The following ANKRD26 variants were observed in gnomAD, a reference collection of about 807,000 sequenced individuals.
The protein encoded by ANKRD26 is ankyrin repeat domain-containing protein 26.
Under a neutral mutation model 208.7 loss-of-function variants are expected in ANKRD26, and 141 were observed. The observed-to-expected ratio is 0.68, with a 90% CI of 0.59 to 0.78. ANKRD26 has a LOEUF of 0.78. Among genes scored for constraint, ANKRD26 ranks in the 30% least tolerant of loss-of-function variants. The probability of loss-of-function intolerance (pLI) is 0.00; values close to 1 mark genes in which losing one functional copy is unlikely to be tolerated. For synonymous variants in ANKRD26, 636 were observed against 660.4 expected (o/e 0.96, Z 0.57); for missense variants, 1,889 against 1,938.7 (o/e 0.97, Z 0.48).
chr10:27,052,225 TC>T, intron 16 of ANKRD26: 1 of 959,494 alleles, frequency 1.0e-6, no homozygotes, highest in Non-Finnish European at 1.2e-6. Flanking sequence ...GTTTAGTTAC[TC>T]CCAAATCACT....
rs191487223 is a variant in ANKRD26 at position 27,041,379 on chromosome 10, C to A, written c.2162-1201G>T. The stretch of plus-strand genomic sequence containing the variant: ...TTAAAAAAAGGAGAGGAAATCCTGC[C>A]TGGTGCTTCCACAGCACCAGGAAGA... On this transcript the variant is annotated intron_variant, in intron 20 of 33. Coordinates refer to ENST00000376087, the MANE Select transcript of ANKRD26 (RefSeq NM_014915.3). Among the ~76,000 whole-genome samples the A allele has an allele frequency of 3.1e-3, 471 of 152,206 alleles. 3 individuals carry two copies. The highest frequency in any genetic ancestry group is 0.011 in the African/African-American group (443 of 41,528).
intron 6 of ANKRD26, among the ~76,000 whole-genome samples, chr10:27,082,021 C>T (rs2055931299): frequency 6.9e-6 from 1 of 143,898 alleles, no homozygotes; most frequent in Non-Finnish European, 1.5e-5. Context: ...CAGTTGTGAG[C>T]CACCACGCCC....
At chr10:26,992,147 A>T (rs1278886030) in intron 5 of ANKRD26, 1 of 152,116 alleles carries the variant, frequency 6.6e-6, no homozygotes, top group Non-Finnish European at 1.5e-5. Flanking sequence ...CTTTGCAGCC[A>T]TCTTATTTAG....
intron 32 of ANKRD26, among the ~76,000 whole-genome samples, chr10:27,012,119 T>G (rs987216306): frequency 6.6e-6 from 1 of 152,222 alleles, no homozygotes; most frequent in African/African-American, 2.4e-5. Flanking sequence ...GTTAAGTGTT[T>G]GGATGCCAAT....
intron 25 of ANKRD26, chr10:27,030,383 C>T (rs775591712): frequency 1.0e-6 from 1 of 985,034 alleles, no homozygotes; most frequent in Non-Finnish European, 1.2e-6. Context: ...ATAAGTAATA[C>T]ATAACTTACA....
rs753767828 is a variant in ANKRD26 at position 27,082,784 on chromosome 10, A to G, written c.740+19T>C. On this transcript the variant is annotated intron_variant, in intron 6 of 33. Transcript: ENST00000376087. Reference sequence around the variant, plus strand: ...CTGTATTCCTTTAAATATATTTTTAAAAATCTGTAAAATACTACCTGCTTA... The same window carrying G: ...CTGTATTCCTTTAAATATATTTTTAGAAATCTGTAAAATACTACCTGCTTA... 6.4e-7 allele frequency: 1 copy of G among 1,569,940 alleles called. No individual in the cohort carries two copies. Among genetic ancestry groups the G allele is most frequent in the Non-Finnish European group, 8.6e-7 (1 of 1,156,710 alleles).
intron 7 of ANKRD26, among the ~76,000 whole-genome samples, chr10:27,078,146 T>A (rs956319074): frequency 3.3e-5 from 5 of 152,194 alleles, no homozygotes; most frequent in Admixed American, 3.3e-4. Flanking sequence ...TAGTATATTT[T>A]ATGAAAGTGG....
intron 1 of ANKRD26, among the ~76,000 whole-genome samples, chr10:27,099,108 A>C (rs1049653870): frequency 1.3e-5 from 2 of 152,106 alleles, no homozygotes; most frequent in Non-Finnish European, 2.9e-5. Flanking sequence ...CTCCTGCCTC[A>C]GTCTTCGGAG....
intron 15 of ANKRD26, among the ~76,000 whole-genome samples, chr10:27,056,083 G>A (rs1170008396): frequency 6.6e-6 from 1 of 152,200 alleles, no homozygotes; most frequent in East Asian, 1.9e-4. Flanking sequence ...TTTTGTTAGA[G>A]GAAGACTACA....
intron 15 of ANKRD26, among the ~76,000 whole-genome samples, chr10:27,058,428 G>A (rs1290287916): frequency 6.6e-6 from 1 of 152,130 alleles, no homozygotes; most frequent in Non-Finnish European, 1.5e-5. Context: ...TAGCTCTAAA[G>A]TCTATTCAAA....
At chr10:27,025,605 T>A (rs1461184921) in intron 27 of ANKRD26, among the ~76,000 whole-genome samples, 2 of 152,212 alleles carry the variant, frequency 1.3e-5, no homozygotes, top group Admixed American at 1.3e-4. Context: ...GGCCCTATTT[T>A]TTAGTCTTTA....
chr10:27,056,560 C>G (rs1265127974), intron 15 of ANKRD26, among the ~76,000 whole-genome samples: 1 of 150,630 alleles, frequency 6.6e-6, no homozygotes, highest in Non-Finnish European at 1.5e-5. Context: ...GGTGGATTAC[C>G]TGAGGTCAGG....
chr10:27,044,497 T>C (rs1388304310), intron 18 of ANKRD26, among the ~76,000 whole-genome samples: 3 of 151,446 alleles, frequency 2.0e-5, no homozygotes, highest in Non-Finnish European at 4.4e-5. Context: ...ACTTGCATTA[T>C]TCAATAGAAA....
chr10:26,948,659 CCA>C, the ANKRD26 span, among the ~76,000 whole-genome samples: 1 of 151,990 alleles, frequency 6.6e-6, no homozygotes, highest in African/African-American at 2.4e-5. Flanking sequence ...TTTTGATAAA[CCA>C]CATGAGTTAT....
chr10:27,064,491 A>G (rs889374573), intron 11 of ANKRD26, among the ~76,000 whole-genome samples: 1 of 152,210 alleles, frequency 6.6e-6, no homozygotes, highest in African/African-American at 2.4e-5. Flanking sequence ...GGGAAAAAAA[A>G]GTGTATTTTA....
intron 5 of ANKRD26, among the ~76,000 whole-genome samples, chr10:27,086,223 T>C (rs896908426): frequency 5.9e-5 from 9 of 152,092 alleles, no homozygotes; most frequent in South Asian, 4.1e-4. Flanking sequence ...TTCATTATAA[T>C]GTAATTATAA....
intron 4 of ANKRD26, among the ~76,000 whole-genome samples, chr10:26,995,762 C>T (rs2052578185): frequency 6.6e-6 from 1 of 152,132 alleles, no homozygotes; most frequent in African/African-American, 2.4e-5. Flanking sequence ...GACACCTTGT[C>T]CCTTATTGGC....
At chr10:27,014,201 T>C (rs541486761) in intron 31 of ANKRD26, among the ~76,000 whole-genome samples, 2 of 152,024 alleles carry the variant, frequency 1.3e-5, no homozygotes, top group South Asian at 2.1e-4. Context: ...GATGACAATA[T>C]CAATGTCTAA....
the ANKRD26 span, among the ~76,000 whole-genome samples, chr10:26,959,497 C>T: frequency 6.6e-6 from 1 of 152,054 alleles, no homozygotes; most frequent in African/African-American, 2.4e-5. Context: ...ATTTGACTTT[C>T]TACATAAGTA....
Sources: gnomAD v4.1 joint callset for allele counts (sites outside exome capture counted in the v4.1 genomes callset) on GRCh38, gnomAD v4.1.1 for gene constraint, MANE v1.5 for transcripts, NCBI Gene and HGNC (gene_info 2026-07-23, HGNC 2026-07-21) for gene names.